DDX50: variants seen among roughly 807,000 people sequenced by gnomAD.
DDX50 encodes ATP-dependent RNA helicase DDX50.
In DDX50, 56 loss-of-function variants were observed where a neutral mutation model predicts 94.8. The ratio of observed to expected loss-of-function variants is 0.59; its 90% confidence interval spans 0.48 to 0.74. DDX50 has a LOEUF of 0.74. Among genes scored for constraint, DDX50 ranks in the 30% least tolerant of loss-of-function variants. DDX50 has a pLI of 0.00. For synonymous variants in DDX50, 264 were observed against 295.4 expected (o/e 0.89, Z 1.09); for missense variants, 713 against 881.2 (o/e 0.81, Z 2.42).
chr10:68,929,299 C>T (rs35982274), intron 8 of DDX50, among the ~76,000 whole-genome samples: 44 of 80,692 alleles, frequency 5.5e-4, no homozygotes, highest in Admixed American at 2.3e-3. Flanking sequence ...CTTCCTCTCT[C>T]TCTCTCTCTC....
chr10:68,914,827 G>A (rs1283985644), intron 7 of DDX50, among the ~76,000 whole-genome samples: 1 of 151,432 alleles, frequency 6.6e-6, no homozygotes, highest in Non-Finnish European at 1.5e-5. Context: ...TGTGAGACCA[G>A]CCTGGCCAAT....
At position 68,911,117 on chromosome 10, in the gene DDX50, T is replaced by C; in HGVS notation, c.510T>C (p.Pro170=). The change falls in exon 4 of 15, where the codon CCT becomes CCC. Residue 170 remains proline (P), a synonymous_variant. Coordinates refer to ENST00000373585, the MANE Select transcript of DDX50 (RefSeq NM_024045.2). ...CTATTCAAGTTAAGACCTTTGGTCC[T>C]GTATATGAAGGAAAAGATTTAATAG... is the stretch of plus-strand genomic sequence containing the variant. ...LFPIQVKTFG[P]VYEGKDLIAQ... is the part of the protein sequence containing the mutation. The C allele has an allele frequency of 6.2e-7, 1 of 1,605,686 alleles. No individual in the cohort carries two copies. The highest frequency in any genetic ancestry group is 1.3e-5 in the African/African-American group (1 of 74,796).
chr10:68,944,516 GT>G (rs1224702631), intron 14 of DDX50, among the ~76,000 whole-genome samples: 2 of 151,968 alleles, frequency 1.3e-5, no homozygotes, highest in Non-Finnish European at 2.9e-5. Context: ...CAATAACACA[GT>G]TCTTTTTTTC....
rs752461518 is a variant in DDX50 at position 68,946,471 on chromosome 10, TCGATCAGGC to T, written c.2058_2066del (p.Arg692_Gly694del). On this transcript the variant is annotated inframe_deletion, in exon 15 of 15. Transcript: ENST00000373585. ...GACAGAGGAGTGGCTGGTCAAGTGG[TCGATCAGGC>T]CGGTCAGGCCGGTCAGGTGGTCGAT... 4.1e-5 allele frequency: 66 copies of T among 1,614,010 alleles called. No homozygotes were observed. Among genetic ancestry groups the T allele is most frequent in the Non-Finnish European group, 1.1e-5 (13 of 1,180,016 alleles).
intron 7 of DDX50, among the ~76,000 whole-genome samples, chr10:68,915,151 C>G (rs924903007): frequency 1.3e-5 from 2 of 152,040 alleles, no homozygotes; most frequent in African/African-American, 2.4e-5. Context: ...TGGTGGCTTA[C>G]GCCTGTAATC....
In DDX50 at chr10:68,926,774, TACACAC is replaced by T. The variant is rs67773821; in HGVS notation, c.1239+6822_1239+6827del. Among the ~76,000 whole-genome samples, 209 of 140,420 alleles carry T rather than the reference TACACAC, an allele frequency of 1.5e-3. 1 individual carries two copies. The highest frequency in any genetic ancestry group is 1.6e-3 in the Non-Finnish European group (103 of 63,776). 92.1% of individuals were successfully genotyped at this position (140,420 alleles called of 152,430 possible). ...ACAGTCTCTGTGTCTCACACAGAGA[TACACAC>T]ACACACACACACACACACACACACA... On this transcript the variant is annotated intron_variant, in intron 8 of 14. Coordinates refer to ENST00000373585, the MANE Select transcript of DDX50 (RefSeq NM_024045.2).
Position 68,906,942 on chromosome 10 carries a change from AAAT to A in DDX50, c.320_322del (p.Lys107_Ser108delinsThr), listed in dbSNP as rs747434511. On this transcript the variant is annotated inframe_deletion, in exon 2 of 15. Transcript: ENST00000373585. Reference sequence around the variant, plus strand: ...TGGAGATATAGATGAATATGAAAAAAAATCAAAGCGAGTATCATCTTTAGATAC... The same window carrying A: ...TGGAGATATAGATGAATATGAAAAAACAAAGCGAGTATCATCTTTAGATAC... The A allele has an allele frequency of 1.6e-5, 25 of 1,600,886 alleles. No individual in the cohort carries two copies. Among genetic ancestry groups the A allele is most frequent in the Non-Finnish European group, 2.0e-5 (23 of 1,177,186 alleles).
chr10:68,901,546 T>A (rs1841287598), intron 1 of DDX50, 75 bp downstream of exon 1: 1 of 1,452,168 alleles, frequency 6.9e-7, no homozygotes, highest in Non-Finnish European at 9.3e-7. Context: ...CTGTCCCTGA[T>A]GATGGCCTGT....
chr10:68,919,812 G>C lies in DDX50; in HGVS notation c.1090-20G>C. 1 of 1,605,172 alleles carries C rather than the reference G, an allele frequency of 6.2e-7. No homozygotes were observed. The highest frequency in any genetic ancestry group is 8.5e-7 in the Non-Finnish European group (1 of 1,178,362). The stretch of plus-strand genomic sequence containing the variant: ...ATAATTTTAATGAAACAAATAATGT[G>C]GTATTTTCTTTCTTCAAAGCATTTG... On this transcript the variant is annotated intron_variant, in intron 7 of 14. Transcript: ENST00000373585.
chr10:68,925,310 A>T (rs1047497230), intron 8 of DDX50, among the ~76,000 whole-genome samples: 12 of 150,822 alleles, frequency 8.0e-5, no homozygotes, highest in East Asian at 2.0e-4. Flanking sequence ...GGGTTTCTTC[A>T]TATTTGTCAG....
At chr10:68,931,390 A>ATATATATAT in intron 8 of DDX50, among the ~76,000 whole-genome samples, 1 of 46,818 alleles carries the variant, frequency 2.1e-5, no homozygotes, top group South Asian at 7.0e-4. Context: ...ATTAAAAAAA[A>ATATATATAT]AAATATATAT....
intron 14 of DDX50, among the ~76,000 whole-genome samples, chr10:68,944,381 A>G (rs565773641): frequency 2.9e-3 from 443 of 152,288 alleles, no homozygotes; most frequent in African/African-American, 1.0e-2. Flanking sequence ...CTGGATTCCC[A>G]TAATGAAGAA....
At chr10:68,944,462 G>A (rs956333216) in intron 14 of DDX50, among the ~76,000 whole-genome samples, 2 of 152,136 alleles carry the variant, frequency 1.3e-5, no homozygotes, top group African/African-American at 4.8e-5. Context: ...TGCTTTCGAA[G>A]TCTTTTTAAA....
intron 11 of DDX50, among the ~76,000 whole-genome samples, chr10:68,936,488 C>CAAAA (rs1212336346): frequency 1.5e-4 from 4 of 26,830 alleles, no homozygotes; most frequent in Non-Finnish European, 2.7e-4. Context: ...GACTCTGTCT[C>CAAAA]AAAAAAAAAA....
At position 68,934,456 on chromosome 10, in the gene DDX50, T is replaced by C; in HGVS notation, c.1401+96T>C. The C allele has an allele frequency of 6.5e-7, 1 of 1,532,820 alleles. No homozygotes were observed. The highest frequency in any genetic ancestry group is 8.8e-7 in the Non-Finnish European group (1 of 1,131,752). 95.0% of individuals were successfully genotyped at this position (1,532,820 alleles called of 1,614,324 possible). A position where few individuals can be genotyped will look rare whatever the true frequency, so the allele number is the denominator to read the frequency against. On this transcript the variant is annotated intron_variant, in intron 9 of 14. Transcript: ENST00000373585. The surrounding 1 kb of genome is among the most constrained non-coding windows in gnomAD (Gnocchi z 4.0). Reference sequence around the variant, plus strand: ...TGCTTGGGATGTGAAAAATATGTCATCTCTTCTTGCTCTTAGCCATTTTTT... The same window carrying C: ...TGCTTGGGATGTGAAAAATATGTCACCTCTTCTTGCTCTTAGCCATTTTTT...
At chr10:68,906,327 C>T (rs1841444322) in intron 1 of DDX50, 1 of 166,754 alleles carries the variant, frequency 6.0e-6, no homozygotes, top group South Asian at 1.6e-4. Flanking sequence ...AAACACATTA[C>T]ACAGTGCTGG....
chr10:68,925,439 A>G (rs1203055828), intron 8 of DDX50, among the ~76,000 whole-genome samples: 2 of 151,940 alleles, frequency 1.3e-5, no homozygotes, highest in Admixed American at 6.6e-5. Flanking sequence ...TCATGAGACC[A>G]TTTTGTCAGT....
chr10:68,916,393 T>A (rs1841793278), intron 7 of DDX50, among the ~76,000 whole-genome samples: 1 of 151,900 alleles, frequency 6.6e-6, no homozygotes, highest in African/African-American at 2.4e-5. Context: ...GAAGCTTTTT[T>A]ATTTTGTAAT....
chr10:68,935,851 CAAAAACAAAAAA>C (rs1179289753), intron 10 of DDX50, among the ~76,000 whole-genome samples, 143 bp from the exon 11 acceptor site: 1 of 151,818 alleles, frequency 6.6e-6, no homozygotes. Flanking sequence ...AAAACAAAAA[CAAAAACAAAAAA>C]GATAAAACTG....
Sources: gnomAD v4.1 joint callset for allele counts (sites outside exome capture counted in the v4.1 genomes callset) on GRCh38, gnomAD v4.1.1 for gene constraint, Gnocchi (gnomAD v3.1) non-coding constraint, MANE v1.5 for transcripts, NCBI Gene and HGNC (gene_info 2026-07-23, HGNC 2026-07-21) for gene names.